CPNE4: variants seen among roughly 807,000 people sequenced by gnomAD.
CPNE4 encodes copine 4, also known as copine-4.
Under a neutral mutation model 67.9 loss-of-function variants are expected in CPNE4, and 25 were observed. The observed-to-expected ratio is 0.37, with a 90% CI of 0.27 to 0.51. The LOEUF is 0.51. CPNE4 is among the 20% of genes least tolerant of loss of function. The probability of loss-of-function intolerance (pLI) is 0.93; values close to 1 mark genes in which losing one functional copy is unlikely to be tolerated. For missense variants in CPNE4, 464 were observed against 690.8 expected (o/e 0.67, Z 3.68); for synonymous variants, 242 against 244.9 (o/e 0.99, Z 0.11).
At chr3:131,596,308 A>T (rs1395962806) in intron 7 of CPNE4, among the ~76,000 whole-genome samples, 2 of 152,162 alleles carry the variant, frequency 1.3e-5, no homozygotes, top group Non-Finnish European at 2.9e-5. Flanking sequence ...CACCAATTAT[A>T]TTTCAAAAAA....
intron 2 of CPNE4, among the ~76,000 whole-genome samples, chr3:131,800,028 C>T (rs2084047725): frequency 6.6e-6 from 1 of 151,610 alleles, no homozygotes; most frequent in South Asian, 2.1e-4. Flanking sequence ...GGTACATATG[C>T]AGGTTTGTTA....
intron 2 of CPNE4, among the ~76,000 whole-genome samples, chr3:131,894,498 A>G (rs2088242415): frequency 6.6e-6 from 1 of 152,022 alleles, no homozygotes; most frequent in South Asian, 2.1e-4. Flanking sequence ...ATATTCATTC[A>G]GAATATATAA....
At chr3:131,865,280 G>T (rs929725416) in intron 2 of CPNE4, among the ~76,000 whole-genome samples, 1 of 152,126 alleles carries the variant, frequency 6.6e-6, no homozygotes, top group Non-Finnish European at 1.5e-5. Flanking sequence ...CAGAAGGAAT[G>T]GTACCAGCTC....
At chr3:131,664,212 G>A (rs72983641) in intron 7 of CPNE4, among the ~76,000 whole-genome samples, 2,980 of 152,194 alleles carry the variant, frequency 0.02, 92 homozygotes, top group African/African-American at 0.067. Context: ...ACAGTGCTAG[G>A]CATAATTGGG....
Position 132,034,821 on chromosome 3 carries a change from G to C in CPNE4, c.-256C>G. 2 of 985,644 alleles carry C rather than the reference G, an allele frequency of 2.0e-6. No homozygotes were observed. The highest frequency in any genetic ancestry group is 2.4e-6 in the Non-Finnish European group (2 of 830,156). The allele number at this position is 985,644 out of a possible 1,614,324, so 61.1% of individuals were successfully genotyped here. On this transcript the variant is annotated 5_prime_UTR_variant, in exon 1 of 16. Coordinates refer to ENST00000429747, the MANE Select transcript of CPNE4 (RefSeq NM_130808.3). ...TCCATTCTCGGTGATGGGGGTGGGG[G>C]AAGAGGGTGAAAATGTTGGAGATGT...
At position 131,874,340 on chromosome 3, in the gene CPNE4, G is replaced by A. The variant is rs988864603; in HGVS notation, c.180+30924C>T. On this transcript the variant is annotated intron_variant, in intron 2 of 15. Coordinates refer to ENST00000429747, the MANE Select transcript of CPNE4 (RefSeq NM_130808.3). ...CCTGACCTTATGATTCGCCCGCCTC[G>A]GCCTCCCAAAGTGCTGGGATTACAG... is the stretch of plus-strand genomic sequence containing the variant. Among the ~76,000 whole-genome samples the A allele has an allele frequency of 3.9e-5, 6 of 152,148 alleles. No individual in the cohort carries two copies. The East Asian group carries it at 7.7e-4, about 20-fold the overall frequency.
chr3:131,659,084 T>C (rs1331595117), intron 7 of CPNE4, among the ~76,000 whole-genome samples: 1 of 152,230 alleles, frequency 6.6e-6, no homozygotes, highest in Non-Finnish European at 1.5e-5. Flanking sequence ...TTTTTCAGTT[T>C]CTGTGTGAAC....
intron 7 of CPNE4, among the ~76,000 whole-genome samples, chr3:131,592,606 T>TATAC (rs779416269): frequency 1.6e-4 from 25 of 151,560 alleles, no homozygotes; most frequent in Admixed American, 5.9e-4. Context: ...ATAGCTGATA[T>TATAC]ACATATATAT....
intron 5 of CPNE4, among the ~76,000 whole-genome samples, chr3:131,695,419 AGCCC>A (rs71855261): frequency 0.12 from 18,791 of 152,162 alleles, 1,256 homozygotes; most frequent in African/African-American, 0.16. Context: ...CAAACCTCCA[AGCCC>A]GCCCCCTTTT....
chr3:131,827,950 G>A (rs929187927), intron 2 of CPNE4, among the ~76,000 whole-genome samples: 1 of 151,968 alleles, frequency 6.6e-6, no homozygotes, highest in Non-Finnish European at 1.5e-5. Context: ...TTCACAAAGA[G>A]CATATCTGAG....
intron 8 of CPNE4, among the ~76,000 whole-genome samples, chr3:131,583,457 A>G (rs1297326950): frequency 6.6e-6 from 1 of 152,238 alleles, no homozygotes; most frequent in Non-Finnish European, 1.5e-5. Flanking sequence ...GAAAGAAAAG[A>G]CACTAAAATT....
chr3:131,671,498 C>T (rs114413595), intron 6 of CPNE4, among the ~76,000 whole-genome samples: 2,667 of 151,204 alleles, frequency 0.018, 50 homozygotes, highest in African/African-American at 0.047. Flanking sequence ...TACGTGCAGG[C>T]TACCCACAAG....
At chr3:131,717,879 T>TTTCTCTTTCC (rs1491097537) in intron 3 of CPNE4, among the ~76,000 whole-genome samples, 1 of 36,206 alleles carries the variant, frequency 2.8e-5, no homozygotes, top group East Asian at 6.3e-4. Flanking sequence ...CTTTCTTTTC[T>TTTCTCTTTCC]TTCTTTCTTT....
intron 2 of CPNE4, among the ~76,000 whole-genome samples, chr3:131,870,114 G>A (rs1200279760): frequency 6.6e-6 from 1 of 152,132 alleles, no homozygotes. Flanking sequence ...AGGGACCTCA[G>A]AAGAACACAC....
At chr3:132,024,538 G>A (rs1172690805) in intron 1 of CPNE4, among the ~76,000 whole-genome samples, 1 of 152,172 alleles carries the variant, frequency 6.6e-6, no homozygotes, top group Non-Finnish European at 1.5e-5. Flanking sequence ...TGTAATCACA[G>A]CCAATTTACT....
At chr3:131,543,500 C>A (rs537825170) in intron 14 of CPNE4, among the ~76,000 whole-genome samples, 23 of 152,044 alleles carry the variant, frequency 1.5e-4, no homozygotes, top group Non-Finnish European at 1.5e-5. Context: ...AACTTAGCAT[C>A]CAAATTGACA....
At chr3:131,843,868 G>A (rs1357230425) in intron 2 of CPNE4, among the ~76,000 whole-genome samples, 2 of 152,174 alleles carry the variant, frequency 1.3e-5, no homozygotes, top group Non-Finnish European at 2.9e-5. Flanking sequence ...ATTGAGGGAG[G>A]AGATTGAGGG....
intron 1 of CPNE4, among the ~76,000 whole-genome samples, chr3:132,000,138 C>A (rs1038861383): frequency 6.6e-6 from 1 of 151,198 alleles, no homozygotes; most frequent in Non-Finnish European, 1.5e-5. Flanking sequence ...CTCATATGAA[C>A]TAATCAGAGA....
intron 2 of CPNE4, among the ~76,000 whole-genome samples, chr3:131,881,379 C>A (rs1404648939): frequency 6.6e-6 from 1 of 152,194 alleles, no homozygotes; most frequent in Admixed American, 6.5e-5. Context: ...CTTTGTTAAA[C>A]CTTCCCTAAA....
Sources: allele counts gnomAD v4.1 joint callset (sites outside exome capture counted in the v4.1 genomes callset), GRCh38; gene constraint gnomAD v4.1.1; transcripts MANE v1.5; gene names NCBI Gene and HGNC (gene_info 2026-07-23, HGNC 2026-07-21).